Variants in SYT4 observed in about 807,000 individuals in gnomAD.
SYT4 encodes synaptotagmin 4.
A neutral mutation model predicts 32.9 loss-of-function variants in SYT4; 7 were observed. The ratio of observed to expected loss-of-function variants is 0.21; its 90% CI spans 0.12 to 0.40. The LOEUF is 0.40. Ranked by LOEUF, SYT4 falls within the 10% of genes least tolerant of loss-of-function variation. SYT4 has a pLI of 1.00. For missense variants in SYT4, 480 were observed against 488.0 expected (o/e 0.98, Z 0.16); for synonymous variants, 205 against 186.2 (o/e 1.10, Z -0.82).
At position 43,270,079 on chromosome 18, in the gene SYT4, C is replaced by G. The variant is rs941778258; in HGVS notation, c.*262G>C. 2.7e-5 allele frequency: 12 copies of G among 440,118 alleles called. No individual in the cohort carries two copies. Among genetic ancestry groups the G allele is most frequent in the Non-Finnish European group, 4.9e-5 (12 of 247,244 alleles). 27.3% of individuals were successfully genotyped at this position (440,118 alleles called of 1,614,324 possible). On this transcript the variant is annotated 3_prime_UTR_variant, in exon 4 of 4. Coordinates refer to ENST00000255224, the MANE Select transcript of SYT4 (RefSeq NM_020783.4). ...GGCACAGTATTCATAAAATGTCTGA[C>G]TATTCCTAGTTATATCACTGGTAAT...
intron 3 of SYT4, among the ~76,000 whole-genome samples, chr18:43,271,048 T>C (rs1908615181): frequency 6.6e-6 from 1 of 152,124 alleles, no homozygotes. Context: ...GTGAGTCTAT[T>C]TCCCTGACTT....
intron 1 of SYT4, among the ~76,000 whole-genome samples, chr18:43,276,901 C>T (rs947953311): frequency 6.6e-5 from 10 of 152,004 alleles, no homozygotes; most frequent in African/African-American, 2.4e-4. Context: ...ATAGATTTAC[C>T]TACAAATAAG....
chr18:43,272,122 C>G (rs1010354393), intron 2 of SYT4: 1 of 187,868 alleles, frequency 5.3e-6, no homozygotes, highest in African/African-American at 2.4e-5. Flanking sequence ...AAATTATATC[C>G]TACACAGGAT....
intron 3 of SYT4, among the ~76,000 whole-genome samples, chr18:43,271,502 G>C (rs1479059425): frequency 6.6e-6 from 1 of 152,060 alleles, no homozygotes; most frequent in African/African-American, 2.4e-5. Context: ...TTAAACTGTA[G>C]CTTATTTTGT....
chr18:43,276,507 T>A (rs1167701597), intron 1 of SYT4, among the ~76,000 whole-genome samples: 4 of 152,176 alleles, frequency 2.6e-5, no homozygotes, highest in African/African-American at 7.2e-5. Flanking sequence ...TAATTTTATG[T>A]ACTGAAACCA....
rs189253122 is a variant in SYT4, at chr18:43,272,831, G to A, written c.849+749C>T. ...GGAGACAGTCAAAATGAGCTCTCAG[G>A]TTTTCAGCTCTGAAACACTATGTTG... On this transcript the variant is annotated intron_variant, in intron 2 of 3. Transcript: ENST00000255224. Among the ~76,000 whole-genome samples the A allele has an allele frequency of 3.5e-4, 53 of 152,044 alleles. 1 individual carries two copies. The highest frequency in any genetic ancestry group is 1.2e-3 in the African/African-American group (50 of 41,478).
chr18:43,272,588 GTGTT>G (rs1313895408), intron 2 of SYT4, among the ~76,000 whole-genome samples: 3 of 152,240 alleles, frequency 2.0e-5, no homozygotes, highest in African/African-American at 7.2e-5. Context: ...TATTAACTTG[GTGTT>G]TGTTTGCAAC....
rs1908552464 is a variant in SYT4 at position 43,269,275 on chromosome 18, C to G, written c.*1066G>C. 1 of 152,128 alleles carries G rather than the reference C, an allele frequency of 6.6e-6. No homozygotes were observed. The highest frequency in any genetic ancestry group is 1.5e-5 in the Non-Finnish European group (1 of 68,006). The allele number at this position is 152,128 out of a possible 1,614,324, so 9.4% of individuals were successfully genotyped here. On this transcript the variant is annotated 3_prime_UTR_variant, in exon 4 of 4. Coordinates refer to ENST00000255224, the MANE Select transcript of SYT4 (RefSeq NM_020783.4). The stretch of plus-strand genomic sequence containing the variant: ...AAATTATATTAGAATTGCTCTTGAA[C>G]GATTTTGTAGTCTTACATTTGTTTG...
chr18:43,269,491 C>T lies in SYT4; in HGVS notation c.*850G>A, dbSNP rs1213073403. On this transcript the variant is annotated 3_prime_UTR_variant, in exon 4 of 4. Transcript: ENST00000255224. The stretch of plus-strand genomic sequence containing the variant: ...TATTTCCTATAAGAAAATTGCACTT[C>T]TAACTGGATTTCTAGTTGAAGTTTA... 6.6e-6 allele frequency: 1 copy of T among 152,514 alleles called. No homozygotes were observed. Among genetic ancestry groups the T allele is most frequent in the Non-Finnish European group, 1.5e-5 (1 of 68,028 alleles). 9.4% of individuals were successfully genotyped at this position (152,514 alleles called of 1,614,324 possible).
At chr18:43,273,138 GA>G (rs1280503916) in intron 2 of SYT4, among the ~76,000 whole-genome samples, 1 of 151,722 alleles carries the variant, frequency 6.6e-6, no homozygotes, top group African/African-American at 2.4e-5. Context: ...CAATTCCATG[GA>G]AAGTCAATAC....
At chr18:43,276,190 C>T (rs1183689204) in intron 1 of SYT4, among the ~76,000 whole-genome samples, 2 of 152,106 alleles carry the variant, frequency 1.3e-5, no homozygotes, top group Admixed American at 6.5e-5. Context: ...CATTTATGAA[C>T]ATAATATCAC....
chr18:43,274,515 C>A (rs1908733391), intron 1 of SYT4, 121 bp from the exon 2 acceptor site: 1 of 754,070 alleles, frequency 1.3e-6, no homozygotes, highest in Non-Finnish European at 2.0e-6. Flanking sequence ...TACTTTCCAA[C>A]TGTTCTGGGT....
intron 3 of SYT4, among the ~76,000 whole-genome samples, chr18:43,271,415 G>A (rs1908626125): frequency 6.6e-6 from 1 of 152,084 alleles, no homozygotes; most frequent in Admixed American, 6.6e-5. Context: ...ATTATGTCCA[G>A]TTTGTACAGT....
Position 43,277,263 on chromosome 18 carries a change from T to C in SYT4, c.19A>G (p.Ser7Gly), listed in dbSNP as rs1214285484. The change falls in exon 1 of 4, where the codon AGC becomes GGC. Residue 7 changes from serine (S) to glycine (G), a missense_variant. Coordinates refer to ENST00000255224, the MANE Select transcript of SYT4 (RefSeq NM_020783.4). MAPITT[S>G]REEFDEIPTV... ...ACTTGCTTACCAAATTCTTCCCGGC[T>C]GGTGGTGATCGGAGCCATTTTTTAC... 1 of 1,614,048 alleles carries C rather than the reference T, an allele frequency of 6.2e-7. No homozygotes were observed. Among genetic ancestry groups the C allele is most frequent in the South Asian group, 1.1e-5 (1 of 91,082 alleles).
intron 2 of SYT4, 129 bp downstream of exon 2, chr18:43,273,451 T>A: frequency 1.6e-6 from 1 of 621,678 alleles, no homozygotes; most frequent in Non-Finnish European, 2.7e-6. Context: ...CATTAGATTA[T>A]AATTAATAAT....
chr18:43,271,718 G>A lies in SYT4; in HGVS notation c.964C>T (p.Leu322Phe). Residue 322 changes from leucine to phenylalanine, a missense_variant, in exon 3 of 4, where the codon CTT becomes TTT. By Grantham distance (22) the Leu-to-Phe change is conservative. Transcript: ENST00000255224. ...ATTTCAGAAGCATTCTTACCTGAAAGTCCGGACACATCAGATTTAGGCAGA... is the reference window on the plus strand; with the variant it reads ...ATTTCAGAAGCATTCTTACCTGAAAATCCGGACACATCAGATTTAGGCAGA... ...RHLPKSDVSGLSDPYVKVNLY... is the reference protein window; with the variant it reads ...RHLPKSDVSGFSDPYVKVNLY... The A allele has an allele frequency of 2.5e-6, 4 of 1,612,852 alleles. No individual in the cohort carries two copies. Among genetic ancestry groups the A allele is most frequent in the Non-Finnish European group, 3.4e-6 (4 of 1,179,104 alleles).
rs1358373952 is a variant in SYT4, at chr18:43,269,203, T to C, written c.*1138A>G. On this transcript the variant is annotated 3_prime_UTR_variant, in exon 4 of 4. Transcript: ENST00000255224. ...AGAAAAGATAGTGAAACACATTCTTTGTTGTGCTAATTTGACAGCCTAAGC... is the reference window on the plus strand; with the variant it reads ...AGAAAAGATAGTGAAACACATTCTTCGTTGTGCTAATTTGACAGCCTAAGC... 6.6e-5 allele frequency: 10 copies of C among 152,220 alleles called. No homozygotes were observed. The East Asian group carries it at 1.5e-3, about 23-fold the overall frequency. 9.4% of individuals were successfully genotyped at this position (152,220 alleles called of 1,614,324 possible). A position where few individuals can be genotyped will look rare whatever the true frequency, so the allele number is the denominator to read the frequency against.
chr18:43,275,880 T>C (rs1347370813), intron 1 of SYT4, among the ~76,000 whole-genome samples: 1 of 147,856 alleles, frequency 6.8e-6, no homozygotes, highest in Non-Finnish European at 1.5e-5. Flanking sequence ...TTCCTTCTAT[T>C]CAAGTCTTTG....
Position 43,274,196 on chromosome 18 carries a change from T to C in SYT4, c.233A>G (p.Lys78Arg). 6.2e-7 allele frequency: 1 copy of C among 1,614,000 alleles called. No individual in the cohort carries two copies. The highest frequency in any genetic ancestry group is 8.5e-7 in the Non-Finnish European group (1 of 1,179,934). ...NSKKKFGADD[K>R]NEVKNKPAVP... Reference sequence around the variant, plus strand: ...AGCTGGCTTATTCTTTACTTCATTTTTATCATCTGCTCCAAACTTCTTTTT... The same window carrying C: ...AGCTGGCTTATTCTTTACTTCATTTCTATCATCTGCTCCAAACTTCTTTTT... The change falls in exon 2 of 4, where the codon AAA becomes AGA. Residue 78 changes from lysine to arginine, a missense_variant. By Grantham distance (26) the Lys-to-Arg change is conservative. Coordinates refer to ENST00000255224, the MANE Select transcript of SYT4 (RefSeq NM_020783.4).
Sources: gnomAD v4.1 joint callset for allele counts (sites outside exome capture counted in the v4.1 genomes callset) on GRCh38, gnomAD v4.1.1 for gene constraint, MANE v1.5 for transcripts, NCBI Gene and HGNC (gene_info 2026-07-23, HGNC 2026-07-21) for gene names.